GATAD2B: variants seen among roughly 807,000 people sequenced by gnomAD.
GATAD2B encodes GATA zinc finger domain containing 2B.
In GATAD2B, 8 loss-of-function variants were observed where a neutral mutation model predicts 64.3. The ratio of observed to expected loss-of-function variants is 0.12; its 90% CI spans 0.07 to 0.22. GATAD2B has a LOEUF of 0.22. GATAD2B is among the 10% of genes least tolerant of loss of function. The pLI, the probability that GATAD2B is intolerant of heterozygous loss-of-function variation, is 1.00. For synonymous variants in GATAD2B, 281 were observed against 271.3 expected, an observed-to-expected ratio of 1.04 and a Z score of -0.35; for missense variants, 453 against 752.0, an observed-to-expected ratio of 0.60 and a Z score of 4.65.
At chr1:153,850,788 G>T (rs904975067) in intron 1 of GATAD2B, among the ~76,000 whole-genome samples, 1 of 151,930 alleles carries the variant, frequency 6.6e-6, no homozygotes, top group Non-Finnish European at 1.5e-5. Flanking sequence ...AGGCGTGGTG[G>T]TGTGCGCCTA....
chr1:153,853,162 A>G (rs1675965456), intron 1 of GATAD2B: 4 of 1,372,432 alleles, frequency 2.9e-6, no homozygotes, highest in Non-Finnish European at 4.2e-6. Context: ...AGCCCCTTAC[A>G]GACACGGATA....
At chr1:153,871,369 G>GT (rs948981532) in intron 1 of GATAD2B, among the ~76,000 whole-genome samples, 5 of 150,956 alleles carry the variant, frequency 3.3e-5, no homozygotes, top group East Asian at 3.9e-4. Context: ...CCGGCCACTT[G>GT]TTTTTTTGTA....
chr1:153,907,041 C>T (rs1677964004), intron 1 of GATAD2B, among the ~76,000 whole-genome samples: 1 of 152,182 alleles, frequency 6.6e-6, no homozygotes, highest in Admixed American at 6.5e-5. Context: ...AACCTTTGTG[C>T]ATTGCTGACA....
At chr1:153,811,473 T>C (rs753541499) in intron 10 of GATAD2B, 2 of 515,552 alleles carry the variant, frequency 3.9e-6, no homozygotes, top group Non-Finnish European at 6.8e-6. Context: ...AATAACCACA[T>C]GTCTACTGAA....
chr1:153,842,617 T>C lies in GATAD2B; in HGVS notation c.-1-14269A>G, dbSNP rs140862163. Reference sequence around the variant, plus strand: ...CTGTTCTTCATTTTTCTTTCCAATATTGTTTTTGCTTTTGTTTTTTAAAAT... The same window carrying C: ...CTGTTCTTCATTTTTCTTTCCAATACTGTTTTTGCTTTTGTTTTTTAAAAT... On this transcript the variant is annotated intron_variant, in intron 1 of 10. Coordinates refer to ENST00000368655, the MANE Select transcript of GATAD2B (RefSeq NM_020699.4). Among the ~76,000 whole-genome samples the C allele has an allele frequency of 4.0e-5, 6 of 151,326 alleles. No homozygotes were observed. The East Asian group carries it at 9.7e-4, about 25-fold the overall frequency.
At chr1:153,900,255 A>T (rs945787368) in intron 1 of GATAD2B, among the ~76,000 whole-genome samples, 3 of 151,802 alleles carry the variant, frequency 2.0e-5, no homozygotes, top group African/African-American at 7.3e-5. Flanking sequence ...ATCTCTACTT[A>T]AAAAAATACA....
intron 1 of GATAD2B, among the ~76,000 whole-genome samples, chr1:153,913,467 T>G (rs1678165379): frequency 6.6e-6 from 1 of 152,186 alleles, no homozygotes; most frequent in African/African-American, 2.4e-5. Context: ...CTCTCCTGTT[T>G]CTAGCCTGTT....
At chr1:153,838,810 A>G (rs780622195) in intron 1 of GATAD2B, among the ~76,000 whole-genome samples, 1 of 152,176 alleles carries the variant, frequency 6.6e-6, no homozygotes, top group Non-Finnish European at 1.5e-5. Context: ...GATGAAAAGC[A>G]GTATATAAGA....
At chr1:153,922,261 G>A (rs959781424) in intron 1 of GATAD2B, among the ~76,000 whole-genome samples, 1 of 150,864 alleles carries the variant, frequency 6.6e-6, no homozygotes, top group Non-Finnish European at 1.5e-5. Context: ...CCCGCACCCT[G>A]AGGGCACCAC....
At chr1:153,814,173 TTAAA>T (rs1674380189) in intron 7 of GATAD2B, among the ~76,000 whole-genome samples, 1 of 152,256 alleles carries the variant, frequency 6.6e-6, no homozygotes, top group Non-Finnish European at 1.5e-5. Context: ...ATTTATAGTT[TTAAA>T]TAGTTATCAG....
intron 1 of GATAD2B, among the ~76,000 whole-genome samples, chr1:153,879,106 A>AT (rs1332501191): frequency 2.0e-5 from 3 of 151,994 alleles, no homozygotes; most frequent in Non-Finnish European, 4.4e-5. Flanking sequence ...CGCCCGGCTA[A>AT]TTTTTTGTAT....
At chr1:153,822,501 G>C (rs1674716444) in intron 2 of GATAD2B, among the ~76,000 whole-genome samples, 1 of 152,126 alleles carries the variant, frequency 6.6e-6, no homozygotes, top group Non-Finnish European at 1.5e-5. Flanking sequence ...CACAGATAAG[G>C]CAAAGCCAAA....
At position 153,922,878 on chromosome 1, in the gene GATAD2B, G is replaced by GGGGC. The variant is rs1412470858; in HGVS notation, c.-151_-148dup. The GGGGC allele has an allele frequency of 8.6e-6, 1 of 116,850 alleles. No homozygotes were observed. Among genetic ancestry groups the GGGGC allele is most frequent in the Non-Finnish European group, 1.9e-5 (1 of 53,522 alleles). 7.2% of individuals were successfully genotyped at this position (116,850 alleles called of 1,614,324 possible). On this transcript the variant is annotated 5_prime_UTR_variant, in exon 1 of 11. Transcript: ENST00000368655. The stretch of plus-strand genomic sequence containing the variant: ...GTAGGGGAGGGGGGCGGGCCGGACC[G>GGGGC]GGGCGGGCGGGCGGAGCAGACACTG...
rs1674244275 is a variant in GATAD2B at position 153,810,162 on chromosome 1, C to G, written c.*15G>C. On this transcript the variant is annotated 3_prime_UTR_variant, in exon 11 of 11. Transcript: ENST00000368655. Reference sequence around the variant, plus strand: ...TAAAGGATTCAAGGATGGGGCAGTACAAGTGGAACAGGCGTTATTTCTGTC... The same window carrying G: ...TAAAGGATTCAAGGATGGGGCAGTAGAAGTGGAACAGGCGTTATTTCTGTC... 3 of 1,604,006 alleles carry G rather than the reference C, an allele frequency of 1.9e-6. No homozygotes were observed. Among genetic ancestry groups the G allele is most frequent in the Non-Finnish European group, 1.7e-6 (2 of 1,175,056 alleles).
At chr1:153,919,618 C>T (rs1003270343) in intron 1 of GATAD2B, among the ~76,000 whole-genome samples, 6 of 152,144 alleles carry the variant, frequency 3.9e-5, no homozygotes, top group African/African-American at 1.4e-4. Context: ...AGAAGATACA[C>T]CACAAAATCC....
intron 1 of GATAD2B, among the ~76,000 whole-genome samples, chr1:153,847,019 C>T (rs181866123): frequency 1.2e-4 from 19 of 152,134 alleles, no homozygotes; most frequent in Admixed American, 9.8e-4. Context: ...GGTTGGAGTG[C>T]GATGGCACAA....
At chr1:153,900,341 A>C (rs1282671380) in intron 1 of GATAD2B, among the ~76,000 whole-genome samples, 1 of 151,914 alleles carries the variant, frequency 6.6e-6, no homozygotes, top group Non-Finnish European at 1.5e-5. Flanking sequence ...AATCACTTGA[A>C]CCAGGGAGGC....
At chr1:153,856,213 A>C (rs1676078175) in intron 1 of GATAD2B, among the ~76,000 whole-genome samples, 1 of 152,170 alleles carries the variant, frequency 6.6e-6, no homozygotes, top group African/African-American at 2.4e-5. Flanking sequence ...AGGTCAACTG[A>C]TTAGCAACCT....
chr1:153,828,260 T>C lies in GATAD2B; in HGVS notation c.88A>G (p.Lys30Glu). ...PADERDDVLA[K>E]RLKMEGHEAM... ...TCATGCCCCTCCATTTTGAGTCGCT[T>C]TGCCAGGACATCATCTCGCTCATCT... Residue 30 changes from lysine to glutamate, a missense_variant, in exon 2 of 11, where the codon AAG (lysine) becomes GAG (glutamate). Lys to Glu is a moderately conservative substitution (Grantham distance 56, BLOSUM62 1). This residue lies in a region of GATAD2B where 293 missense variants were observed against 417.2 expected (regional missense o/e 0.70). Coordinates refer to ENST00000368655, the MANE Select transcript of GATAD2B (RefSeq NM_020699.4). 1 of 1,614,190 alleles carries C rather than the reference T, an allele frequency of 6.2e-7. No individual in the cohort carries two copies. Among genetic ancestry groups the C allele is most frequent in the Non-Finnish European group, 8.5e-7 (1 of 1,180,048 alleles).
Sources: gnomAD v4.1 joint callset for allele counts (sites outside exome capture counted in the v4.1 genomes callset) on GRCh38, gnomAD v4.1.1 for gene constraint, gnomAD v4.1.1 regional missense constraint, MANE v1.5 for transcripts, NCBI Gene and HGNC (gene_info 2026-07-23, HGNC 2026-07-21) for gene names.